The following MYO10 variants were observed in gnomAD, a reference collection of about 807,000 sequenced individuals.
MYO10 encodes unconventional myosin-X.
In MYO10, 133 loss-of-function variants were observed where a neutral mutation model predicts 257.3. The ratio of observed to expected loss-of-function variants is 0.52; its 90% CI spans 0.45 to 0.60. MYO10 has a LOEUF of 0.60. Among genes scored for constraint, MYO10 ranks in the 20% least tolerant of loss-of-function variants. The pLI is 0.00. For missense variants in MYO10, 2,399 were observed against 2,635.7 expected (o/e 0.91, Z 1.97); for synonymous variants, 1,104 against 1,028.6 (o/e 1.07, Z -1.40).
At chr5:16,688,538 C>T (rs11955561) in intron 28 of MYO10, among the ~76,000 whole-genome samples, 10,950 of 151,988 alleles carry the variant, frequency 0.072, 1,197 homozygotes, top group African/African-American at 0.24. Context: ...ATCGGGAGTT[C>T]GAGACCAGCC....
chr5:16,699,927 C>T (rs530350351), intron 25 of MYO10, among the ~76,000 whole-genome samples: 10 of 151,842 alleles, frequency 6.6e-5, no homozygotes, highest in African/African-American at 2.4e-4. Context: ...TGAATTGATA[C>T]ATGAAAGACA....
intron 40 of MYO10, among the ~76,000 whole-genome samples, chr5:16,667,436 C>G (rs562085970): frequency 6.6e-5 from 10 of 152,300 alleles, no homozygotes; most frequent in Middle Eastern, 3.4e-3. Flanking sequence ...GCTCTCTTCC[C>G]TTCCAGTCCC....
intron 19 of MYO10, among the ~76,000 whole-genome samples, chr5:16,721,043 C>G (rs1739136211): frequency 6.6e-6 from 1 of 152,124 alleles, no homozygotes; most frequent in Admixed American, 6.6e-5. Flanking sequence ...GGATATACCT[C>G]TACCCCATTT....
At chr5:16,850,300 A>C (rs1351627682) in intron 2 of MYO10, among the ~76,000 whole-genome samples, 5 of 152,080 alleles carry the variant, frequency 3.3e-5, no homozygotes, top group Non-Finnish European at 7.3e-5. Flanking sequence ...TTTGAGATGG[A>C]GTCTCACTCT....
chr5:16,918,283 TCAGCTCAG>T (rs143195319), intron 1 of MYO10, among the ~76,000 whole-genome samples: 1 of 131,936 alleles, frequency 7.6e-6, no homozygotes. Context: ...GATAGAAGCA[TCAGCTCAG>T]CAGCTCAGCA....
chr5:16,774,676 C>T lies in MYO10; in HGVS notation c.930+4869G>A, dbSNP rs1004488909. On this transcript the variant is annotated intron_variant, in intron 9 of 40. Transcript: ENST00000513610. ...GACCTCATGATCTGCCTGCCTCGGC[C>T]TCCCAAAGTGCTGGGATTACAGGCG... is the stretch of plus-strand genomic sequence containing the variant. 3.9e-5 allele frequency among the ~76,000 whole-genome samples: 6 copies of T among 152,112 alleles called. No homozygotes were observed. The South Asian group carries it at 1.2e-3, about 32-fold the overall frequency.
chr5:16,709,695 G>T (rs762702719), intron 21 of MYO10, among the ~76,000 whole-genome samples: 1 of 152,188 alleles, frequency 6.6e-6, no homozygotes, highest in Non-Finnish European at 1.5e-5. Context: ...CTGATCAGAG[G>T]ACCCAGCTCA....
intron 1 of MYO10, among the ~76,000 whole-genome samples, chr5:16,930,637 C>G (rs1746266547): frequency 6.6e-6 from 1 of 152,162 alleles, no homozygotes; most frequent in Non-Finnish European, 1.5e-5. Flanking sequence ...TTACTGTGAC[C>G]AAGCCTTTGT....
intron 1 of MYO10, among the ~76,000 whole-genome samples, chr5:16,901,953 C>T (rs189598145): frequency 1.3e-5 from 2 of 152,358 alleles, no homozygotes; most frequent in East Asian, 3.9e-4. Flanking sequence ...TTTTTCAGCC[C>T]AGGCTAAGGT....
At chr5:16,777,839 C>CCTTTTTTTTTT (rs1560979466) in intron 9 of MYO10, among the ~76,000 whole-genome samples, 7 of 88,482 alleles carry the variant, frequency 7.9e-5, no homozygotes, top group African/African-American at 3.2e-4. Context: ...TTGCATCTAA[C>CCTTTTTTTTTT]TTTTTTTTTT....
At chr5:16,912,866 T>G (rs531502905) in intron 1 of MYO10, among the ~76,000 whole-genome samples, 2 of 144,124 alleles carry the variant, frequency 1.4e-5, no homozygotes, top group Admixed American at 1.4e-4. Flanking sequence ...ACCTCCAAGA[T>G]TGAATTTCAG....
rs779488359 is a variant in MYO10, at chr5:16,694,559, G to C, written c.3612C>G (p.Phe1204Leu). The C allele has an allele frequency of 4.5e-5, 73 of 1,613,886 alleles. No individual in the cohort carries two copies. The highest frequency in any genetic ancestry group is 5.7e-5 in the Non-Finnish European group (67 of 1,179,906). The change falls in exon 27 of 41, where the codon TTC (phenylalanine) becomes TTG (leucine). Residue 1204 changes from phenylalanine (F) to leucine (L), a missense_variant. Physicochemically the swap from Phe to Leu is conservative, Grantham distance 22 (BLOSUM62 0). Transcript: ENST00000513610. ...RRWCVLKDET[F>L]LWFRSKQEAL... ...CCTCCTGCTTGGAGCGGAACCACAA[G>C]AAGGTTTCATCCTTGAGGACGCACC... is the stretch of plus-strand genomic sequence containing the variant.
At chr5:16,677,433 T>TTTTTTTTTTTTTTTTTTTG (rs1363770924) in intron 33 of MYO10, among the ~76,000 whole-genome samples, 8 of 145,254 alleles carry the variant, frequency 5.5e-5, no homozygotes, top group African/African-American at 1.9e-4. Flanking sequence ...TTTTTTTTTT[T>TTTTTTTTTTTTTTTTTTTG]GAGACGGAGT....
chr5:16,809,499 G>A (rs539699237), intron 3 of MYO10, among the ~76,000 whole-genome samples: 6 of 152,362 alleles, frequency 3.9e-5, no homozygotes, highest in African/African-American at 1.2e-4. Flanking sequence ...CAAGCAGGCC[G>A]TGACTTCCCT....
At chr5:16,862,359 G>A (rs1744131100) in intron 2 of MYO10, among the ~76,000 whole-genome samples, 1 of 152,090 alleles carries the variant, frequency 6.6e-6, no homozygotes, top group Non-Finnish European at 1.5e-5. Flanking sequence ...CCAAATAACA[G>A]GCCTAAAAAA....
At chr5:16,835,125 C>T (rs1023998942) in intron 2 of MYO10, among the ~76,000 whole-genome samples, 1 of 151,738 alleles carries the variant, frequency 6.6e-6, no homozygotes, top group African/African-American at 2.4e-5. Flanking sequence ...TGCAGTAAGT[C>T]GAGATTGCGT....
chr5:16,793,352 T>TCTCA (rs1352981848), intron 4 of MYO10, among the ~76,000 whole-genome samples: 8 of 152,114 alleles, frequency 5.3e-5, no homozygotes, highest in African/African-American at 9.6e-5. Flanking sequence ...TGAGAAGGAG[T>TCTCA]CTCACTCTGT....
At chr5:16,794,559 G>T in intron 4 of MYO10, 87 bp downstream of exon 4, 2 of 1,276,986 alleles carry the variant, frequency 1.6e-6, no homozygotes, top group South Asian at 3.5e-5. Flanking sequence ...GCTTCCTCTG[G>T]TTAATGCCCT....
At chr5:16,884,071 T>C (rs1173052509) in intron 1 of MYO10, among the ~76,000 whole-genome samples, 3 of 152,176 alleles carry the variant, frequency 2.0e-5, no homozygotes, top group African/African-American at 4.8e-5. Flanking sequence ...AATTTGCTCT[T>C]GAAATGTGAT....
Sources: allele counts gnomAD v4.1 joint callset (sites outside exome capture counted in the v4.1 genomes callset), GRCh38; gene constraint gnomAD v4.1.1; transcripts MANE v1.5; gene names NCBI Gene and HGNC (gene_info 2026-07-23, HGNC 2026-07-21).